Variants in USH2A observed in about 807,000 individuals in gnomAD.
USH2A encodes usherin.
In USH2A, 443 loss-of-function variants were observed where a neutral mutation model predicts 538.9. The ratio of observed to expected loss-of-function variants is 0.82; its 90% CI spans 0.76 to 0.89. The LOEUF is 0.89. USH2A is among the 40% of genes least tolerant of loss of function. The pLI, the probability that USH2A is intolerant of heterozygous loss-of-function variation, is 0.00. For missense variants in USH2A, 6,633 were observed against 6,324.8 expected (o/e 1.05, Z -1.65); for synonymous variants, 2,413 against 2,273.5 (o/e 1.06, Z -1.75).
intron 38 of USH2A, among the ~76,000 whole-genome samples, chr1:215,916,917 T>C (rs1665969393): frequency 6.6e-6 from 1 of 152,118 alleles, no homozygotes. Flanking sequence ...TGCAAGACAA[T>C]TTCAGTGAAT....
At position 216,222,377 on chromosome 1, in the gene USH2A, C is replaced by T. The variant is rs570572602; in HGVS notation, c.2994-4827G>A. ...CTATTTACATAAACATGTGGCTGACCCCCAGGCTATAGATTGCTGAACTCT... is the reference window on the plus strand; with the variant it reads ...CTATTTACATAAACATGTGGCTGACTCCCAGGCTATAGATTGCTGAACTCT... On this transcript the variant is annotated intron_variant, in intron 14 of 71. Coordinates refer to ENST00000307340, the MANE Select transcript of USH2A (RefSeq NM_206933.4). 2.6e-5 allele frequency among the ~76,000 whole-genome samples: 4 copies of T among 152,234 alleles called. No individual in the cohort carries two copies. In the South Asian group the frequency reaches 8.3e-4, roughly 32 times the overall value.
rs143866733 is a variant in USH2A, at chr1:215,884,071, G to A, written c.8223+4355C>T. Among the ~76,000 whole-genome samples the A allele has an allele frequency of 4.6e-3, 696 of 152,120 alleles. 4 individuals carry two copies. Among genetic ancestry groups the A allele is most frequent in the African/African-American group, 0.016 (665 of 41,476 alleles). ...CATCACACACTGGGGCCTGTCAAGG[G>A]GTGGAGGGTAACGGGAGGGAGAGCA... On this transcript the variant is annotated intron_variant, in intron 41 of 71. Coordinates refer to ENST00000307340, the MANE Select transcript of USH2A (RefSeq NM_206933.4).
At chr1:216,319,293 G>A (rs1380735238) in intron 9 of USH2A, among the ~76,000 whole-genome samples, 2 of 152,062 alleles carry the variant, frequency 1.3e-5, no homozygotes, top group Admixed American at 1.3e-4. Context: ...TTAAAATCTA[G>A]AACAAATAAA....
At chr1:216,257,123 G>A (rs1408564069) in intron 11 of USH2A, among the ~76,000 whole-genome samples, 3 of 151,848 alleles carry the variant, frequency 2.0e-5, no homozygotes, top group African/African-American at 7.2e-5. Context: ...CATTTTGGGT[G>A]CTCTTTGTTT....
intron 13 of USH2A, among the ~76,000 whole-genome samples, chr1:216,240,181 G>A (rs771517564): frequency 3.3e-5 from 5 of 152,066 alleles, no homozygotes; most frequent in Non-Finnish European, 7.4e-5. Flanking sequence ...AGAGATTTCC[G>A]AAGTCAGATA....
intron 20 of USH2A, among the ~76,000 whole-genome samples, chr1:216,184,012 T>C (rs552754816): frequency 1.3e-5 from 2 of 152,066 alleles, no homozygotes; most frequent in African/African-American, 4.8e-5. Context: ...ACAAAAAACC[T>C]TCAGTGTACT....
intron 11 of USH2A, among the ~76,000 whole-genome samples, chr1:216,260,644 T>C (rs575939748): frequency 6.6e-6 from 1 of 152,266 alleles, no homozygotes; most frequent in African/African-American, 2.4e-5. Flanking sequence ...AGAAAGTATT[T>C]AGATTTTCAG....
At chr1:216,381,835 C>T (rs1222795416) in intron 3 of USH2A, among the ~76,000 whole-genome samples, 1 of 152,110 alleles carries the variant, frequency 6.6e-6, no homozygotes, top group Non-Finnish European at 1.5e-5. Flanking sequence ...CTAATCATAC[C>T]CAAGTCTCGC....
At chr1:215,849,218 A>G (rs1435666534) in intron 44 of USH2A, among the ~76,000 whole-genome samples, 1 of 152,142 alleles carries the variant, frequency 6.6e-6, no homozygotes, top group Non-Finnish European at 1.5e-5. Flanking sequence ...TTCTATGACA[A>G]TGGGATGGAG....
chr1:215,674,264 T>A lies in USH2A; in HGVS notation c.13647A>T (p.Leu4549Phe). The change falls in exon 63 of 72, where the codon TTA becomes TTT. Residue 4549 changes from leucine (L) to phenylalanine (F), a missense_variant. Physicochemically the swap from Leu to Phe is conservative, Grantham distance 22. Coordinates refer to ENST00000307340, the MANE Select transcript of USH2A (RefSeq NM_206933.4). ...KLQARGPQEI[L>F]VNWDPPVRTN... The stretch of plus-strand genomic sequence containing the variant: ...TTCTCACTGGAGGGTCCCAGTTCAC[T>A]AAGATCTCCTGAGGACCCCTGGCCT... 2 of 1,614,156 alleles carry A rather than the reference T, an allele frequency of 1.2e-6. No individual in the cohort carries two copies. Among genetic ancestry groups the A allele is most frequent in the Non-Finnish European group, 1.7e-6 (2 of 1,180,016 alleles).
intron 3 of USH2A, among the ~76,000 whole-genome samples, chr1:216,400,595 C>T (rs1371982908): frequency 6.6e-6 from 1 of 152,080 alleles, no homozygotes; most frequent in East Asian, 1.9e-4. Flanking sequence ...GAGCAAATCT[C>T]ATACAATAGG....
At chr1:216,057,278 G>A (rs1404941319) in intron 30 of USH2A, among the ~76,000 whole-genome samples, 3 of 152,106 alleles carry the variant, frequency 2.0e-5, no homozygotes, top group Non-Finnish European at 4.4e-5. Context: ...CATTAGCTAA[G>A]CAGGAACATT....
chr1:215,921,393 T>G (rs533923496), intron 38 of USH2A, among the ~76,000 whole-genome samples: 4 of 152,126 alleles, frequency 2.6e-5, no homozygotes, highest in African/African-American at 9.6e-5. Context: ...TTACCTACAT[T>G]TTTTTTCTCT....
At chr1:216,208,928 G>A (rs977968481) in intron 15 of USH2A, among the ~76,000 whole-genome samples, 2 of 152,124 alleles carry the variant, frequency 1.3e-5, no homozygotes, top group Non-Finnish European at 2.9e-5. Flanking sequence ...ATTGGGGGCT[G>A]TTCCTATGAG....
At chr1:216,172,186 G>GT (rs2034287657) in intron 21 of USH2A, among the ~76,000 whole-genome samples, 1 of 152,016 alleles carries the variant, frequency 6.6e-6, no homozygotes, top group Non-Finnish European at 1.5e-5. Flanking sequence ...CATAAGTTGT[G>GT]TAAGAGATCC....
chr1:215,892,186 G>A (rs565170657), intron 40 of USH2A, among the ~76,000 whole-genome samples: 104 of 152,246 alleles, frequency 6.8e-4, no homozygotes, highest in African/African-American at 2.4e-3. Context: ...TGAATACCCA[G>A]TTTGAATGAC....
chr1:216,292,374 G>T lies in USH2A; in HGVS notation c.1645-4C>A. On this transcript the variant is annotated splice_polypyrimidine_tract_variant and splice_region_variant and intron_variant, in intron 9 of 71. Coordinates refer to ENST00000307340, the MANE Select transcript of USH2A (RefSeq NM_206933.4). ...AAAGAGGCAAGCAGCGATCACACTA[G>T]AACAAAAAATATCAGAACAGTAAAG... The T allele has an allele frequency of 1.2e-6, 2 of 1,613,296 alleles. No individual in the cohort carries two copies. The highest frequency in any genetic ancestry group is 2.2e-5 in the South Asian group (2 of 90,930).
chr1:216,310,535 T>G (rs1221712149), intron 9 of USH2A, among the ~76,000 whole-genome samples: 1 of 152,146 alleles, frequency 6.6e-6, no homozygotes, highest in African/African-American at 2.4e-5. Flanking sequence ...TTTCTTTGTG[T>G]TCTTTTTTTC....
At chr1:215,730,790 C>T (rs865929139) in intron 60 of USH2A, among the ~76,000 whole-genome samples, 7 of 152,234 alleles carry the variant, frequency 4.6e-5, no homozygotes, top group South Asian at 2.1e-4. Flanking sequence ...AATTATGGTT[C>T]GGCAGCCCAC....
Sources: gnomAD v4.1 joint callset for allele counts (sites outside exome capture counted in the v4.1 genomes callset) on GRCh38, gnomAD v4.1.1 for gene constraint, MANE v1.5 for transcripts, NCBI Gene and HGNC (gene_info 2026-07-23, HGNC 2026-07-21) for gene names.